The following RBFOX1 variants were observed in gnomAD, a reference collection of about 807,000 sequenced individuals.
RBFOX1 encodes RNA binding protein fox-1 homolog 1.
RBFOX1 carries 8 observed loss-of-function variants against 57.7 expected under a neutral mutation model. That is an observed-to-expected ratio of 0.14 (90% confidence interval 0.08 to 0.25). The LOEUF (loss-of-function observed/expected upper bound fraction) is 0.25, where lower values mean the gene tolerates loss of function less well. RBFOX1 is among the 10% of genes least tolerant of loss of function. The pLI, the probability that RBFOX1 is intolerant of heterozygous loss-of-function variation, is 1.00. For missense variants in RBFOX1, 611 were observed against 548.5 expected, an observed-to-expected ratio of 1.11 and a Z score of -1.14; for synonymous variants, 326 against 222.4, an observed-to-expected ratio of 1.47 and a Z score of -4.15.
chr16:6,064,510 A>T (rs185782881), intron 1 of RBFOX1, among the ~76,000 whole-genome samples: 132 of 152,194 alleles, frequency 8.7e-4, no homozygotes, highest in African/African-American at 3.0e-3. Context: ...TTTTCTTTTC[A>T]CATAGGCAGA....
chr16:7,650,579 T>C (rs769178477), intron 11 of RBFOX1, among the ~76,000 whole-genome samples: 2 of 151,286 alleles, frequency 1.3e-5, no homozygotes, highest in African/African-American at 2.4e-5. Context: ...CTCTCTCTCT[T>C]GCCAAGCTTC....
At chr16:7,158,352 AAAAG>A (rs2077569813) in intron 4 of RBFOX1, among the ~76,000 whole-genome samples, 1 of 152,154 alleles carries the variant, frequency 6.6e-6, no homozygotes, top group Non-Finnish European at 1.5e-5. Context: ...TCTCAAAAGA[AAAAG>A]AAAAACTACA....
chr16:7,237,777 G>A (rs2093844312), intron 4 of RBFOX1, among the ~76,000 whole-genome samples: 1 of 152,178 alleles, frequency 6.6e-6, no homozygotes, highest in Non-Finnish European at 1.5e-5. Flanking sequence ...AGGGTGAGGC[G>A]GACAGATCAC....
At chr16:6,407,489 T>TAG (rs1317624876) in intron 2 of RBFOX1, among the ~76,000 whole-genome samples, 1 of 151,142 alleles carries the variant, frequency 6.6e-6, no homozygotes, top group Non-Finnish European at 1.5e-5. Flanking sequence ...CACATATATA[T>TAG]AGAGAGAGGC....
In RBFOX1 at chr16:7,630,674, A is replaced by C; in HGVS notation, c.748A>C (p.Thr250Pro). The C allele has an allele frequency of 1.2e-6, 2 of 1,614,066 alleles. No homozygotes were observed. The highest frequency in any genetic ancestry group is 1.7e-6 in the Non-Finnish European group (2 of 1,180,026). ...MYSAPSSLVYTSAMPGFPYPA... is the reference protein window; with the variant it reads ...MYSAPSSLVYPSAMPGFPYPA... ...CAGTGCCCCCAGTTCACTTGTATAT[A>C]CTTCTGCAAGTAAGCCCACTGTCGT... is the stretch of plus-strand genomic sequence containing the variant. Residue 250 changes from threonine (T) to proline (P), a missense_variant, in exon 11 of 16, where the codon ACT (threonine) becomes CCT (proline). By Grantham distance (38) the Thr-to-Pro change is conservative. This residue lies in a region of RBFOX1 where 267 missense variants were observed against 229.1 expected (regional missense o/e 1.17). Coordinates refer to ENST00000550418, the MANE Select transcript of RBFOX1 (RefSeq NM_018723.4).
chr16:6,664,522 C>A (rs900748395), intron 3 of RBFOX1, among the ~76,000 whole-genome samples: 1 of 152,162 alleles, frequency 6.6e-6, no homozygotes, highest in African/African-American at 2.4e-5. Context: ...GATACATATA[C>A]CACAAGTAGA....
At chr16:5,892,019 C>G (rs1018324259) in intron 4 of RBFOX1, among the ~76,000 whole-genome samples, 33 of 152,232 alleles carry the variant, frequency 2.2e-4, no homozygotes, top group African/African-American at 7.0e-4. Context: ...TCATTGTTCA[C>G]TTACTGAATC....
intron 2 of RBFOX1, among the ~76,000 whole-genome samples, chr16:6,620,544 A>C (rs182872796): frequency 2.4e-4 from 37 of 152,324 alleles, no homozygotes; most frequent in Admixed American, 1.2e-3. Flanking sequence ...CAAAAGATCA[A>C]TGAATCCGGG....
chr16:5,488,113 GTGA>G (rs144371848), intron 2 of RBFOX1, among the ~76,000 whole-genome samples: 12,060 of 145,592 alleles, frequency 0.083, 1,573 homozygotes, highest in African/African-American at 0.3. Flanking sequence ...GGTGGTGGTG[GTGA>G]TGATGATGAT....
At chr16:5,611,233 A>C (rs1426395332) in intron 3 of RBFOX1, 2 of 151,990 alleles carry the variant, frequency 1.3e-5, no homozygotes, top group African/African-American at 2.4e-5. Context: ...GTTCTTACTC[A>C]CCTGTCTGGG....
chr16:7,227,285 A>ACCCCCC (rs1284183490), intron 4 of RBFOX1, among the ~76,000 whole-genome samples: 2 of 73,232 alleles, frequency 2.7e-5, no homozygotes, highest in Admixed American at 1.8e-4. Context: ...CACACACCCC[A>ACCCCCC]CCCCACCCCC....
chr16:6,971,237 T>C (rs751043216), intron 3 of RBFOX1, among the ~76,000 whole-genome samples: 17 of 152,076 alleles, frequency 1.1e-4, no homozygotes, highest in Non-Finnish European at 1.9e-4. Context: ...GGCAGCTGAA[T>C]TGTTATGGGG....
intron 13 of RBFOX1, among the ~76,000 whole-genome samples, chr16:7,665,930 T>C (rs1280862421): frequency 6.6e-6 from 1 of 152,190 alleles, no homozygotes; most frequent in African/African-American, 2.4e-5. Context: ...ATAGTATGTA[T>C]CTCCATCAAT....
At chr16:7,431,703 T>C (rs1472910433) in intron 4 of RBFOX1, among the ~76,000 whole-genome samples, 1 of 152,204 alleles carries the variant, frequency 6.6e-6, no homozygotes, top group African/African-American at 2.4e-5. Context: ...TCCCTCTCCA[T>C]TCTGTCCTCT....
intron 3 of RBFOX1, among the ~76,000 whole-genome samples, chr16:6,889,748 C>A (rs145939327): frequency 1.3e-5 from 2 of 152,004 alleles, no homozygotes; most frequent in African/African-American, 2.4e-5. Flanking sequence ...TGGAATAGAC[C>A]CTTCAGTGGT....
intron 3 of RBFOX1, among the ~76,000 whole-genome samples, chr16:6,987,042 T>G (rs911608716): frequency 3.9e-5 from 6 of 152,114 alleles, no homozygotes; most frequent in Admixed American, 1.3e-4. Context: ...AAATAAGGCC[T>G]TGTGGAGAGC....
intron 3 of RBFOX1, among the ~76,000 whole-genome samples, chr16:5,808,486 T>C (rs2055307485): frequency 6.6e-6 from 1 of 152,246 alleles, no homozygotes; most frequent in African/African-American, 2.4e-5. Flanking sequence ...GGAGATGGCA[T>C]TGAATCTATC....
chr16:6,755,418 C>T (rs1044116451), intron 3 of RBFOX1, among the ~76,000 whole-genome samples: 13 of 152,118 alleles, frequency 8.5e-5, no homozygotes, highest in African/African-American at 3.1e-4. Flanking sequence ...GATGGTATCT[C>T]ATTGTGGTTT....
chr16:5,777,472 C>A (rs1367364681), intron 3 of RBFOX1, among the ~76,000 whole-genome samples: 1 of 152,166 alleles, frequency 6.6e-6, no homozygotes, highest in African/African-American at 2.4e-5. Context: ...ACCGGGACAT[C>A]TTTGAGGGGT....
Sources: allele counts gnomAD v4.1 joint callset (sites outside exome capture counted in the v4.1 genomes callset), GRCh38; gene constraint gnomAD v4.1.1; regional missense constraint gnomAD v4.1.1; transcripts MANE v1.5; gene names NCBI Gene and HGNC (gene_info 2026-07-23, HGNC 2026-07-21).